The following CTNNB1 variants were observed in gnomAD, a reference collection of about 807,000 sequenced individuals.
CTNNB1 encodes catenin beta-1.
A neutral mutation model predicts 82.5 loss-of-function variants in CTNNB1; 6 were observed. The ratio of observed to expected loss-of-function variants is 0.07; its 90% confidence interval spans 0.04 to 0.14. The LOEUF is 0.14. Among genes scored for constraint, CTNNB1 ranks in the 10% least tolerant of loss-of-function variants. CTNNB1 has a pLI of 1.00. For synonymous variants in CTNNB1, 312 were observed against 329.7 expected (o/e 0.95, Z 0.58); for missense variants, 529 against 980.4 (o/e 0.54, Z 6.15).
chr3:41,227,094 C>T (rs970600130), intron 6 of CTNNB1, 114 bp from the exon 7 acceptor site: 2 of 912,984 alleles, frequency 2.2e-6, no homozygotes, highest in East Asian at 2.5e-5. Context: ...CATTTAGGTC[C>T]AATGGCAAGC....
chr3:41,199,837 G>A (rs2077481577), intron 1 of CTNNB1, 167 bp downstream of exon 1: 1 of 151,436 alleles, frequency 6.6e-6, no homozygotes, highest in African/African-American at 2.4e-5. Context: ...GGCCGCGCCC[G>A]GGGCGCGGAG....
intron 1 of CTNNB1, among the ~76,000 whole-genome samples, chr3:41,214,613 C>G (rs1472095470): frequency 2.0e-5 from 3 of 152,086 alleles, no homozygotes; most frequent in African/African-American, 7.2e-5. Context: ...AAAACCCTTT[C>G]TATTACAGGT....
At chr3:41,212,238 G>T (rs1006137555) in intron 1 of CTNNB1, among the ~76,000 whole-genome samples, 1 of 152,092 alleles carries the variant, frequency 6.6e-6, no homozygotes, top group Non-Finnish European at 1.5e-5. Flanking sequence ...CCCTGTTTTT[G>T]TATCCCTGAT....
At position 41,225,974 on chromosome 3, in the gene CTNNB1, A is replaced by T. The variant is rs1224958147; in HGVS notation, c.936+113A>T. The T allele has an allele frequency of 1.0e-6, 1 of 968,862 alleles. No homozygotes were observed. Among genetic ancestry groups the T allele is most frequent in the Non-Finnish European group, 1.6e-6 (1 of 623,356 alleles). 60.0% of individuals were successfully genotyped at this position (968,862 alleles called of 1,614,324 possible). Reference sequence around the variant, plus strand: ...GGCACCAGGGACCAGTTTCGTGGAAAACAGTTTTTCCATGAATGGGTTGTG... The same window carrying T: ...GGCACCAGGGACCAGTTTCGTGGAATACAGTTTTTCCATGAATGGGTTGTG... On this transcript the variant is annotated intron_variant, in intron 6 of 14. Coordinates refer to ENST00000349496, the MANE Select transcript of CTNNB1 (RefSeq NM_001904.4). This position sits in a 1 kb window ranked among gnomAD's most constrained non-coding sequence, Gnocchi z 5.3.
Position 41,236,291 on chromosome 3 carries a change from G to A in CTNNB1, c.1804-58G>A, listed in dbSNP as rs186214770. On this transcript the variant is annotated intron_variant, in intron 11 of 14. Transcript: ENST00000349496. ...TTGGGAATGTTTGCACCACAGTGGG[G>A]GGCTTGCCATGTTTTAGCTTTAGAT... The A allele has an allele frequency of 4.9e-5, 79 of 1,602,098 alleles. No homozygotes were observed. The East Asian group carries it at 1.3e-3, about 27-fold the overall frequency.
chr3:41,205,632 C>T (rs758005668), intron 1 of CTNNB1, among the ~76,000 whole-genome samples: 2 of 151,828 alleles, frequency 1.3e-5, no homozygotes, highest in Non-Finnish European at 1.5e-5. Context: ...GCTGAGATCA[C>T]GCCACTGCAC....
At chr3:41,209,331 G>A (rs2077723596) in intron 1 of CTNNB1, among the ~76,000 whole-genome samples, 1 of 152,090 alleles carries the variant, frequency 6.6e-6, no homozygotes, top group South Asian at 2.1e-4. Context: ...TTTTTGGTCA[G>A]CATTTTGGAT....
At chr3:41,236,128 G>C in intron 11 of CTNNB1, 1 of 731,700 alleles carries the variant, frequency 1.4e-6, no homozygotes. Context: ...TCTTAGATCA[G>C]TTAGAGCTGC....
chr3:41,203,313 T>C (rs2077577629), intron 1 of CTNNB1, among the ~76,000 whole-genome samples: 1 of 152,126 alleles, frequency 6.6e-6, no homozygotes, highest in South Asian at 2.1e-4. Flanking sequence ...AAATAATTAA[T>C]ATCATTACTG....
Position 41,239,313 on chromosome 3 carries a change from C to G in CTNNB1, c.2317C>G (p.Gln773Glu), listed in dbSNP as rs779955747. ...MDGLPPGDSN[Q>E]LAWFDTDL is the part of the protein sequence containing the mutation. The stretch of plus-strand genomic sequence containing the variant: ...TGGGCTGCCTCCAGGTGACAGCAAT[C>G]AGCTGGCCTGGTTTGATACTGACCT... Residue 773 changes from glutamine (Q) to glutamate (E), a missense_variant, in exon 15 of 15, where the codon CAG becomes GAG. Coordinates refer to ENST00000349496, the MANE Select transcript of CTNNB1 (RefSeq NM_001904.4). The G allele has an allele frequency of 6.2e-7, 1 of 1,614,124 alleles. No homozygotes were observed. Among genetic ancestry groups the G allele is most frequent in the South Asian group, 1.1e-5 (1 of 91,072 alleles).
At chr3:41,236,016 AG>A (rs2078426933) in intron 11 of CTNNB1, 173 bp downstream of exon 11, 1 of 834,154 alleles carries the variant, frequency 1.2e-6, no homozygotes, top group South Asian at 1.6e-5. Flanking sequence ...GAGAAGAGGG[AG>A]GAGATTTCAC....
At position 41,224,034 on chromosome 3, in the gene CTNNB1, T is replaced by C; in HGVS notation, c.-35T>C. 6.2e-7 allele frequency: 1 copy of C among 1,611,462 alleles called. No homozygotes were observed. The highest frequency in any genetic ancestry group is 2.2e-5 in the East Asian group (1 of 44,876). On this transcript the variant is annotated 5_prime_UTR_variant, in exon 2 of 15. Transcript: ENST00000349496. ...AACTTTTTTTAGGGTATTTGAAGTA[T>C]ACCATACAACTGTTTTGAAAATCCA... is the stretch of plus-strand genomic sequence containing the variant.
At chr3:41,236,158 A>G in intron 11 of CTNNB1, 191 bp from the exon 12 acceptor site, 1 of 816,428 alleles carries the variant, frequency 1.2e-6, no homozygotes, top group South Asian at 1.6e-5. Context: ...AAGGGTTTAT[A>G]GCTAAAAAAT....
At chr3:41,205,420 G>A (rs1381982512) in intron 1 of CTNNB1, among the ~76,000 whole-genome samples, 2 of 152,194 alleles carry the variant, frequency 1.3e-5, no homozygotes, top group African/African-American at 4.8e-5. Context: ...TTTGAAAAGT[G>A]GGGTGGCCTG....
rs2125617546 is a variant in CTNNB1 at position 41,224,640 on chromosome 3, C to G, written c.128C>G (p.Ala43Gly). ...ATCCATTCTGGTGCCACTACCACAG[C>G]TCCTTCTCTGAGTGGTAAAGGCAAT... is the stretch of plus-strand genomic sequence containing the variant. ...SGIHSGATTTAPSLSGKGNPE... is the reference protein window; with the variant it reads ...SGIHSGATTTGPSLSGKGNPE... Residue 43 changes from alanine to glycine, a missense_variant, in exon 3 of 15, where the codon GCT (alanine) becomes GGT (glycine). Physicochemically the swap from Ala to Gly is moderately conservative, Grantham distance 60 (BLOSUM62 0). Around this residue, in one of 4 missense-constraint regions of CTNNB1, gnomAD observed 411 missense variants for 776.4 expected, o/e 0.53. Coordinates refer to ENST00000349496, the MANE Select transcript of CTNNB1 (RefSeq NM_001904.4). 6.2e-7 allele frequency: 1 copy of G among 1,613,932 alleles called. No individual in the cohort carries two copies. Among genetic ancestry groups the G allele is most frequent in the Non-Finnish European group, 8.5e-7 (1 of 1,179,924 alleles).
Position 41,239,130 on chromosome 3 carries a change from C to A in CTNNB1, c.2138-4C>A. On this transcript the variant is annotated splice_region_variant and splice_polypyrimidine_tract_variant and intron_variant, in intron 14 of 14. Coordinates refer to ENST00000349496, the MANE Select transcript of CTNNB1 (RefSeq NM_001904.4). ...CTATTTTGTTGACACCCTGACTCTT[C>A]TAGATCCTAGCTATCGTTCTTTTCA... 1 of 1,613,536 alleles carries A rather than the reference C, an allele frequency of 6.2e-7. No individual in the cohort carries two copies. The highest frequency in any genetic ancestry group is 1.3e-5 in the African/African-American group (1 of 75,052).
chr3:41,225,312 T>C lies in CTNNB1; in HGVS notation c.496-22T>C, dbSNP rs769789853. On this transcript the variant is annotated intron_variant, in intron 4 of 14. Coordinates refer to ENST00000349496, the MANE Select transcript of CTNNB1 (RefSeq NM_001904.4). This position sits in a 1 kb window ranked among gnomAD's most constrained non-coding sequence, Gnocchi z 5.3. ...TACCAGTACTTGAAAACTAACGATG[T>C]TTCTGAATTCCTGTATTACAGGTGG... 1 of 1,613,990 alleles carries C rather than the reference T, an allele frequency of 6.2e-7. No homozygotes were observed. The highest frequency in any genetic ancestry group is 1.7e-5 in the Admixed American group (1 of 59,970).
At chr3:41,219,928 TA>T (rs1329427036) in intron 1 of CTNNB1, among the ~76,000 whole-genome samples, 1 of 152,190 alleles carries the variant, frequency 6.6e-6, no homozygotes, top group Admixed American at 6.5e-5. Flanking sequence ...AGACATACGA[TA>T]CAATCCAGAT....
In CTNNB1 at chr3:41,240,301, T is replaced by TAAGA. The variant is rs1399992392; in HGVS notation, c.*960_*963dup. 1 of 192,166 alleles carries TAAGA rather than the reference T, an allele frequency of 5.2e-6. No individual in the cohort carries two copies. Among genetic ancestry groups the TAAGA allele is most frequent in the African/African-American group, 2.3e-5 (1 of 43,060 alleles). 11.9% of individuals were successfully genotyped at this position (192,166 alleles called of 1,614,324 possible). ...GATATGTATGGGTAGGGTAAATCAG[T>TAAGA]AAGAGGTGTTATTTGGAACCTTGTT... On this transcript the variant is annotated 3_prime_UTR_variant, in exon 15 of 15. Transcript: ENST00000349496.
Sources: allele counts gnomAD v4.1 joint callset (sites outside exome capture counted in the v4.1 genomes callset), GRCh38; gene constraint gnomAD v4.1.1; regional missense constraint gnomAD v4.1.1; non-coding constraint Gnocchi (gnomAD v3.1); transcripts MANE v1.5; gene names NCBI Gene and HGNC (gene_info 2026-07-23, HGNC 2026-07-21).